Variants in RSU1 observed in about 807,000 individuals in gnomAD.
RSU1 encodes rsu-1.
In RSU1, 26 loss-of-function variants were observed where a neutral mutation model predicts 31.1. The ratio of observed to expected loss-of-function variants is 0.84; its 90% CI spans 0.61 to 1.16. The LOEUF (loss-of-function observed/expected upper bound fraction) is 1.16. RSU1 is among the 50% of genes most tolerant of loss of function. RSU1 has a pLI of 0.00. For missense variants in RSU1, 320 were observed against 339.1 expected (o/e 0.94, Z 0.44); for synonymous variants, 164 against 136.3 (o/e 1.20, Z -1.41).
intron 7 of RSU1, among the ~76,000 whole-genome samples, chr10:16,738,447 T>C (rs1039112707): frequency 6.6e-6 from 1 of 151,670 alleles, no homozygotes; most frequent in Non-Finnish European, 1.5e-5. Context: ...CAAGACTCTG[T>C]CTCAAAAAAA....
chr10:16,798,849 AG>A (rs1358523942), intron 2 of RSU1, among the ~76,000 whole-genome samples: 1 of 152,152 alleles, frequency 6.6e-6, no homozygotes, highest in African/African-American at 2.4e-5. Flanking sequence ...GAAGAAATAG[AG>A]TAACACATCG....
intron 8 of RSU1, among the ~76,000 whole-genome samples, chr10:16,632,091 G>A (rs1834260742): frequency 6.6e-6 from 1 of 152,100 alleles, no homozygotes; most frequent in African/African-American, 2.4e-5. Flanking sequence ...GCCTCTGTCT[G>A]TCATCATCTC....
At chr10:16,639,449 A>C (rs910704777) in intron 8 of RSU1, among the ~76,000 whole-genome samples, 3 of 152,208 alleles carry the variant, frequency 2.0e-5, no homozygotes, top group African/African-American at 4.8e-5. Context: ...TTCTAAGGCA[A>C]TCCTATTGAT....
chr10:16,811,258 T>G (rs1838402099), intron 2 of RSU1, among the ~76,000 whole-genome samples: 1 of 152,228 alleles, frequency 6.6e-6, no homozygotes, highest in South Asian at 2.1e-4. Flanking sequence ...ACCATCTGGG[T>G]GTGTGTAGGG....
At chr10:16,679,155 T>C (rs1205800290) in intron 8 of RSU1, among the ~76,000 whole-genome samples, 1 of 152,194 alleles carries the variant, frequency 6.6e-6, no homozygotes, top group African/African-American at 2.4e-5. Flanking sequence ...CAATGAACTG[T>C]ATAACTTGGA....
At chr10:16,800,657 G>C (rs1334803440) in intron 2 of RSU1, among the ~76,000 whole-genome samples, 5 of 152,148 alleles carry the variant, frequency 3.3e-5, no homozygotes, top group East Asian at 1.9e-4. Flanking sequence ...TGAAATGAAT[G>C]ATACCGATTC....
intron 2 of RSU1, among the ~76,000 whole-genome samples, chr10:16,808,503 A>C (rs1202633690): frequency 2.7e-5 from 4 of 150,874 alleles, no homozygotes; most frequent in Non-Finnish European, 4.4e-5. Context: ...AAAAAAAAAA[A>C]AAACAAAGTG....
At chr10:16,731,096 G>C (rs575218209) in intron 7 of RSU1, among the ~76,000 whole-genome samples, 1 of 152,120 alleles carries the variant, frequency 6.6e-6, no homozygotes, top group African/African-American at 2.4e-5. Context: ...TTACAGACGT[G>C]AGCCATGGCA....
chr10:16,677,136 C>CATTTTCTT (rs1342748027), intron 8 of RSU1, among the ~76,000 whole-genome samples: 2 of 152,292 alleles, frequency 1.3e-5, no homozygotes, highest in African/African-American at 4.8e-5. Context: ...ATAAACTTAA[C>CATTTTCTT]ATTTTCTTAT....
At chr10:16,623,103 A>G (rs893095307) in intron 8 of RSU1, among the ~76,000 whole-genome samples, 1 of 152,092 alleles carries the variant, frequency 6.6e-6, no homozygotes, top group Admixed American at 6.5e-5. Context: ...AAAATGTGTG[A>G]TGCTGAGTTT....
intron 7 of RSU1, among the ~76,000 whole-genome samples, chr10:16,718,143 G>C (rs531949848): frequency 1.7e-4 from 24 of 143,712 alleles, no homozygotes; most frequent in Non-Finnish European, 2.8e-4. Context: ...AAAAGAAATA[G>C]AGCTTGAATA....
At chr10:16,771,645 T>C (rs914404548) in intron 3 of RSU1, among the ~76,000 whole-genome samples, 6 of 152,226 alleles carry the variant, frequency 3.9e-5, no homozygotes, top group African/African-American at 1.4e-4. Context: ...ATTAATTACC[T>C]TTGTTTTCTG....
At chr10:16,623,141 T>C (rs908819939) in intron 8 of RSU1, among the ~76,000 whole-genome samples, 3 of 152,208 alleles carry the variant, frequency 2.0e-5, no homozygotes, top group African/African-American at 4.8e-5. Flanking sequence ...ATTGACCATG[T>C]ACTGAGAATA....
Position 16,792,653 on chromosome 10 carries a change from C to G in RSU1, c.110-10569G>C, listed in dbSNP as rs138543463. On this transcript the variant is annotated intron_variant, in intron 2 of 8. Transcript: ENST00000345264. The stretch of plus-strand genomic sequence containing the variant: ...TGCAGGCTGCACTATTCCAATTCTG[C>G]AAGATTCTACAAGTTGCACTGTAGA... 1.4e-4 allele frequency among the ~76,000 whole-genome samples: 21 copies of G among 152,354 alleles called. No homozygotes were observed. In the East Asian group the frequency reaches 3.9e-3, roughly 28 times the overall value.
chr10:16,687,315 C>T (rs1209138544), intron 8 of RSU1, among the ~76,000 whole-genome samples: 1 of 152,062 alleles, frequency 6.6e-6, no homozygotes, highest in Non-Finnish European at 1.5e-5. Flanking sequence ...TCCAAGTGTC[C>T]TGGAAATATC....
intron 3 of RSU1, among the ~76,000 whole-genome samples, chr10:16,777,191 T>G (rs780357983): frequency 6.6e-6 from 1 of 152,134 alleles, no homozygotes; most frequent in African/African-American, 2.4e-5. Flanking sequence ...AAAATACACA[T>G]TTTCCTGATT....
At chr10:16,782,362 T>G (rs1375637840) in intron 2 of RSU1, among the ~76,000 whole-genome samples, 1 of 152,204 alleles carries the variant, frequency 6.6e-6, no homozygotes, top group East Asian at 1.9e-4. Context: ...TAGCTCTGCG[T>G]GGCGCCCCGA....
At chr10:16,609,265 G>A (rs1360155281) in intron 8 of RSU1, among the ~76,000 whole-genome samples, 3 of 152,190 alleles carry the variant, frequency 2.0e-5, no homozygotes, top group Non-Finnish European at 2.9e-5. Context: ...GAATTGAGTG[G>A]GACCCTGGCA....
At chr10:16,725,069 T>A (rs541271226) in intron 7 of RSU1, among the ~76,000 whole-genome samples, 1 of 152,324 alleles carries the variant, frequency 6.6e-6, no homozygotes, top group Non-Finnish European at 1.5e-5. Flanking sequence ...ACTCCAGTGG[T>A]GTTCTATTTC....
Sources: gnomAD v4.1 joint callset for allele counts (sites outside exome capture counted in the v4.1 genomes callset) on GRCh38, gnomAD v4.1.1 for gene constraint, MANE v1.5 for transcripts, NCBI Gene and HGNC (gene_info 2026-07-23, HGNC 2026-07-21) for gene names.